JAK3: variants seen among roughly 807,000 people sequenced by gnomAD.
The protein encoded by JAK3 is tyrosine-protein kinase JAK3.
A neutral mutation model predicts 120.8 loss-of-function variants in JAK3; 88 were observed. The observed-to-expected ratio is 0.73, with a 90% CI of 0.61 to 0.87. The LOEUF (loss-of-function observed/expected upper bound fraction) is 0.87. Ranked by LOEUF, JAK3 falls within the 40% of genes least tolerant of loss-of-function variation. The pLI is 0.00. For missense variants in JAK3, 1,254 were observed against 1,501.4 expected (o/e 0.84, Z 2.72); for synonymous variants, 592 against 628.6 (o/e 0.94, Z 0.87).
rs3179893 is a variant in JAK3, at chr19:17,832,563, T to C, written c.2636A>G (p.His879Arg). The change falls in exon 19 of 24, where the codon CAC becomes CGC. Residue 879 changes from histidine to arginine, a missense_variant. Coordinates refer to ENST00000458235, the MANE Select transcript of JAK3 (RefSeq NM_000215.4). The surrounding 1 kb of genome is among the most constrained non-coding windows in gnomAD (Gnocchi z 4.7). ...QREIQILKAL[H>R]SDFIVKYRGV... Reference sequence around the variant, plus strand: ...ACGATACTTGACAATGAAATCACTGTGCAGTGCTTTGAGGATCTGAATCTC... The same window carrying C: ...ACGATACTTGACAATGAAATCACTGCGCAGTGCTTTGAGGATCTGAATCTC... The C allele has an allele frequency of 1.4e-4, 232 of 1,614,240 alleles. No homozygotes were observed. The African/African-American group carries it at 2.8e-3, about 19-fold the overall frequency.
At chr19:17,847,633 T>C (rs1352244601) in intron 1 of JAK3, among the ~76,000 whole-genome samples, 3 of 152,076 alleles carry the variant, frequency 2.0e-5, no homozygotes, top group Non-Finnish European at 4.4e-5. Flanking sequence ...GGCTGGGAAC[T>C]CCGCCCCCCA....
At chr19:17,839,437 C>T (rs1307617963) in intron 10 of JAK3, 40 bp downstream of exon 10, 11 of 1,538,736 alleles carry the variant, frequency 7.1e-6, no homozygotes, top group Admixed American at 2.0e-5. Flanking sequence ...AAGCCAGGGT[C>T]CCAGATCAGC....
Position 17,841,798 on chromosome 19 carries a change from G to C in JAK3, c.862-36C>G, listed in dbSNP as rs1278649694. ...GGGGGAGTACCGAAGTGGGGGCCCA[G>C]CTGGACCCCGCCAAACCACGCCCAT... On this transcript the variant is annotated intron_variant, in intron 6 of 23. Transcript: ENST00000458235. This position sits in a 1 kb window ranked among gnomAD's most constrained non-coding sequence, Gnocchi z 4.1. The C allele has an allele frequency of 1.9e-6, 3 of 1,598,914 alleles. No individual in the cohort carries two copies. The highest frequency in any genetic ancestry group is 2.2e-5 in the East Asian group (1 of 44,844).
rs1310926463 is a variant in JAK3 at position 17,841,301 on chromosome 19, G to A, written c.1142+88C>T. ...TTTGAAAACTTGACCCCTGTCCAGGGCTCCTGGAAGGTGAGGACACTGAGG... is the reference window on the plus strand; with the variant it reads ...TTTGAAAACTTGACCCCTGTCCAGGACTCCTGGAAGGTGAGGACACTGAGG... On this transcript the variant is annotated intron_variant, in intron 8 of 23. Transcript: ENST00000458235. The surrounding 1 kb of genome is among the most constrained non-coding windows in gnomAD (Gnocchi z 4.1). 1.0e-5 allele frequency: 14 copies of A among 1,372,544 alleles called. No individual in the cohort carries two copies. The highest frequency in any genetic ancestry group is 1.4e-5 in the African/African-American group (1 of 69,902). The allele number at this position is 1,372,544 out of a possible 1,614,324, so 85.0% of individuals were successfully genotyped here. A position where few individuals can be genotyped will look rare whatever the true frequency, so the allele number is the denominator to read the frequency against.
intron 22 of JAK3, 57 bp from the exon 23 acceptor site, chr19:17,830,275 A>C: frequency 1.7e-6 from 1 of 588,302 alleles, no homozygotes; most frequent in Non-Finnish European, 2.6e-6. Flanking sequence ...GTGGAGGGGG[A>C]GGGGCCACCC....
intron 1 of JAK3, among the ~76,000 whole-genome samples, chr19:17,844,849 T>C (rs561021176): frequency 6.7e-6 from 1 of 149,330 alleles, no homozygotes; most frequent in East Asian, 2.0e-4. Flanking sequence ...AAAGCCTCCC[T>C]GGGATGGGCC....
chr19:17,844,796 CAAAA>C (rs1227224590), intron 1 of JAK3, among the ~76,000 whole-genome samples: 128 of 92,794 alleles, frequency 1.4e-3, no homozygotes, highest in African/African-American at 3.2e-3. Context: ...GACTCTGTCT[CAAAA>C]AAAAAAAAAA....
intron 23 of JAK3, among the ~76,000 whole-genome samples, chr19:17,827,232 GC>G (rs1464627483): frequency 6.6e-6 from 1 of 152,062 alleles, no homozygotes; most frequent in African/African-American, 2.4e-5. Flanking sequence ...ACCTGTCTTG[GC>G]CTCCCAAAGT....
In JAK3 at chr19:17,831,567, G is replaced by T; in HGVS notation, c.2805+107C>A. 6.6e-7 allele frequency: 1 copy of T among 1,509,820 alleles called. No homozygotes were observed. Among genetic ancestry groups the T allele is most frequent in the Non-Finnish European group, 8.9e-7 (1 of 1,122,892 alleles). The allele number at this position is 1,509,820 out of a possible 1,614,324, so 93.5% of individuals were successfully genotyped here. On this transcript the variant is annotated intron_variant, in intron 20 of 23. Coordinates refer to ENST00000458235, the MANE Select transcript of JAK3 (RefSeq NM_000215.4). The surrounding 1 kb of genome is among the most constrained non-coding windows in gnomAD (Gnocchi z 5.1). The stretch of plus-strand genomic sequence containing the variant: ...CCTAAGCCAACCCCACCACTCCCGA[G>T]ACCTGGACCCCAAACCACTCCTCAG...
chr19:17,830,235 G>A lies in JAK3; in HGVS notation c.3097-17C>T, dbSNP rs758545775. 6 of 1,546,914 alleles carry A rather than the reference G, an allele frequency of 3.9e-6. No individual in the cohort carries two copies. The Admixed American group carries it at 1.2e-4, about 30-fold the overall frequency. ...CAGGAACTCCTGGAGCCAAGGAGGA[G>A]CGCATGTGGTGGGGGAGGAGCCTCC... On this transcript the variant is annotated splice_polypyrimidine_tract_variant and intron_variant, in intron 22 of 23. Coordinates refer to ENST00000458235, the MANE Select transcript of JAK3 (RefSeq NM_000215.4).
At chr19:17,845,728 G>A (rs2094250634) in intron 1 of JAK3, among the ~76,000 whole-genome samples, 1 of 152,070 alleles carries the variant, frequency 6.6e-6, no homozygotes, top group Non-Finnish European at 1.5e-5. Context: ...CAGCCTGGGC[G>A]ACAGAGCAAG....
Position 17,831,113 on chromosome 19 carries a change from A to T in JAK3, c.2978+115T>A. On this transcript the variant is annotated intron_variant, in intron 21 of 23. Transcript: ENST00000458235. The surrounding 1 kb of genome is among the most constrained non-coding windows in gnomAD (Gnocchi z 5.1). ...GTGGGAGGGGCCAAAGCTGCAGCGG[A>T]GGAAGGGCGGGGCTAAGGCTGGGGA... The T allele has an allele frequency of 2.8e-6, 3 of 1,053,522 alleles. No individual in the cohort carries two copies. The highest frequency in any genetic ancestry group is 5.4e-5 in the East Asian group (2 of 37,170). The allele number at this position is 1,053,522 out of a possible 1,614,324, so 65.3% of individuals were successfully genotyped here. A position where few individuals can be genotyped will look rare whatever the true frequency, so the allele number is the denominator to read the frequency against.
rs2147675999 is a variant in JAK3 at position 17,831,367 on chromosome 19, G to A, written c.2839C>T (p.His947Tyr). The A allele has an allele frequency of 6.2e-7, 1 of 1,607,990 alleles. No individual in the cohort carries two copies. Residue 947 changes from histidine (H) to tyrosine (Y), a missense_variant, in exon 21 of 24, where the codon CAC (histidine) becomes TAC (tyrosine). Physicochemically the swap from His to Tyr is moderately conservative, Grantham distance 83. This residue lies in a region of JAK3 where 630 missense variants were observed against 819.8 expected (regional missense o/e 0.77). Transcript: ENST00000458235. This position sits in a 1 kb window ranked among gnomAD's most constrained non-coding sequence, Gnocchi z 5.1. ...ATGTTTCGGGCGGCCAGGTCGCGGT[G>A]CACGCAGCGGCGGGAGCCCAGGTAC... is the stretch of plus-strand genomic sequence containing the variant. ...MEYLGSRRCV[H>Y]RDLAARNILV...
rs767231026 is a variant in JAK3, at chr19:17,841,612, C to T, written c.984+28G>A. 1 of 1,612,950 alleles carries T rather than the reference C, an allele frequency of 6.2e-7. No homozygotes were observed. The highest frequency in any genetic ancestry group is 8.5e-7 in the Non-Finnish European group (1 of 1,179,594). ...TGCCGGTCCCGCCCTCGGGGTAAGG[C>T]TGAAGGGGAGGGGAATCCTGCACCC... On this transcript the variant is annotated intron_variant, in intron 7 of 23. Coordinates refer to ENST00000458235, the MANE Select transcript of JAK3 (RefSeq NM_000215.4). This position sits in a 1 kb window ranked among gnomAD's most constrained non-coding sequence, Gnocchi z 4.1.
At position 17,843,918 on chromosome 19, in the gene JAK3, A is replaced by T. The variant is rs1256638723; in HGVS notation, c.185-18T>A. 1 of 1,613,344 alleles carries T rather than the reference A, an allele frequency of 6.2e-7. No individual in the cohort carries two copies. The highest frequency in any genetic ancestry group is 1.1e-5 in the South Asian group (1 of 91,036). On this transcript the variant is annotated intron_variant, in intron 2 of 23. Coordinates refer to ENST00000458235, the MANE Select transcript of JAK3 (RefSeq NM_000215.4). The surrounding 1 kb of genome is among the most constrained non-coding windows in gnomAD (Gnocchi z 5.4). ...CAGGATGCCTACAGGGGATGGTCCC[A>T]TCAGCTCCCTCCTGAGTCACCCCAT...
In JAK3 at chr19:17,842,902, T is replaced by C. The variant is rs1236033962; in HGVS notation, c.566+125A>G. On this transcript the variant is annotated intron_variant, in intron 5 of 23. Transcript: ENST00000458235. This position sits in a 1 kb window ranked among gnomAD's most constrained non-coding sequence, Gnocchi z 6.4. ...AGAGGGCTGGGTTCGTGGGAGGCCC[T>C]GGGTCATAGGAACACCCTGAAAGCT... 7.3e-7 allele frequency: 1 copy of C among 1,368,394 alleles called. No homozygotes were observed. The highest frequency in any genetic ancestry group is 2.4e-5 in the East Asian group (1 of 42,108). The allele number at this position is 1,368,394 out of a possible 1,614,324, so 84.8% of individuals were successfully genotyped here. A position where few individuals can be genotyped will look rare whatever the true frequency, so the allele number is the denominator to read the frequency against.
rs1444227196 is a variant in JAK3 at position 17,831,859 on chromosome 19, C to G, written c.2681-61G>C. ...CCCTGCTCGTCCCCCCATTCTTCCC[C>G]CCTTTCACAGTGGGACCTTGTGTCC... On this transcript the variant is annotated intron_variant, in intron 19 of 23. Transcript: ENST00000458235. The surrounding 1 kb of genome is among the most constrained non-coding windows in gnomAD (Gnocchi z 5.1). 1.2e-6 allele frequency: 2 copies of G among 1,601,880 alleles called. No homozygotes were observed. Among genetic ancestry groups the G allele is most frequent in the Non-Finnish European group, 1.7e-6 (2 of 1,172,734 alleles).
chr19:17,847,688 C>T (rs1326856277), intron 1 of JAK3, among the ~76,000 whole-genome samples: 14 of 152,134 alleles, frequency 9.2e-5, no homozygotes, highest in Admixed American at 3.9e-4. Flanking sequence ...ACCCCGCAGC[C>T]CCCGTCGCGC....
At position 17,824,810 on chromosome 19, in the gene JAK3, A is replaced by C. The variant is rs2094201220; in HGVS notation, c.*1933T>G. The C allele has an allele frequency of 5.1e-6, 1 of 194,340 alleles. No homozygotes were observed. The highest frequency in any genetic ancestry group is 1.1e-5 in the Non-Finnish European group (1 of 93,380). 12.0% of individuals were successfully genotyped at this position (194,340 alleles called of 1,614,324 possible). A position where few individuals can be genotyped will look rare whatever the true frequency, so the allele number is the denominator to read the frequency against. On this transcript the variant is annotated 3_prime_UTR_variant, in exon 24 of 24. Coordinates refer to ENST00000458235, the MANE Select transcript of JAK3 (RefSeq NM_000215.4). ...TCCACTGAATTCCTTTATTCAGTCAACAAACATTTCCAGAGCCCCCTCTGT... is the reference window on the plus strand; with the variant it reads ...TCCACTGAATTCCTTTATTCAGTCACCAAACATTTCCAGAGCCCCCTCTGT...
Sources: allele counts gnomAD v4.1 joint callset (sites outside exome capture counted in the v4.1 genomes callset), GRCh38; gene constraint gnomAD v4.1.1; regional missense constraint gnomAD v4.1.1; non-coding constraint Gnocchi (gnomAD v3.1); transcripts MANE v1.5; gene names NCBI Gene and HGNC (gene_info 2026-07-23, HGNC 2026-07-21).